Variants in RAB38 observed in about 807,000 individuals in gnomAD.
RAB38 encodes the protein RAB38, member RAS oncogene family.
In RAB38, 15 loss-of-function variants were observed where a neutral mutation model predicts 18.4. The ratio of observed to expected loss-of-function variants is 0.82; its 90% CI spans 0.55 to 1.26. RAB38 has a LOEUF of 1.26. RAB38 is among the 50% of genes most tolerant of loss of function. The pLI, the probability that RAB38 is intolerant of heterozygous loss-of-function variation, is 0.00. For missense variants in RAB38, 294 were observed against 267.4 expected (o/e 1.10, Z -0.69); for synonymous variants, 101 against 104.4 (o/e 0.97, Z 0.20).
chr11:87,937,351 T>TAA, the RAB38 span, among the ~76,000 whole-genome samples: 1 of 112,108 alleles, frequency 8.9e-6, no homozygotes, highest in African/African-American at 2.9e-5. Context: ...TATATATATA[T>TAA]CATAATTCTA....
chr11:87,898,678 A>G, the RAB38 span, among the ~76,000 whole-genome samples: 1 of 151,528 alleles, frequency 6.6e-6, no homozygotes, highest in Non-Finnish European at 1.5e-5. Flanking sequence ...CAGAATCTCA[A>G]TGCTTATTAA....
At chr11:88,006,818 G>A in the RAB38 span, among the ~76,000 whole-genome samples, 1 of 151,426 alleles carries the variant, frequency 6.6e-6, no homozygotes, top group Non-Finnish European at 1.5e-5. Context: ...CAGAAGTAGA[G>A]AGTAGAATAG....
chr11:88,019,712 T>C, the RAB38 span, among the ~76,000 whole-genome samples: 1 of 152,158 alleles, frequency 6.6e-6, no homozygotes, highest in Non-Finnish European at 1.5e-5. Context: ...TTCAGTCTCT[T>C]TATGTTACAG....
the RAB38 span, among the ~76,000 whole-genome samples, chr11:87,933,402 T>G: frequency 6.6e-6 from 1 of 152,100 alleles, no homozygotes; most frequent in Non-Finnish European, 1.5e-5. Flanking sequence ...AGAACATGTG[T>G]TCTGGTCCAG....
At chr11:88,017,671 A>G in the RAB38 span, among the ~76,000 whole-genome samples, 1 of 148,388 alleles carries the variant, frequency 6.7e-6, no homozygotes, top group Non-Finnish European at 1.5e-5. Context: ...CTGTCTCTAT[A>G]TGTTACCCAG....
At chr11:87,862,615 A>G in the RAB38 span, among the ~76,000 whole-genome samples, 1 of 151,816 alleles carries the variant, frequency 6.6e-6, no homozygotes, top group Non-Finnish European at 1.5e-5. Flanking sequence ...CCACAACACA[A>G]GTTTACCTAT....
intron 1 of RAB38, among the ~76,000 whole-genome samples, chr11:88,157,077 C>T (rs556881233): frequency 5.9e-5 from 9 of 152,260 alleles, no homozygotes; most frequent in Admixed American, 2.0e-4. Context: ...AAAACCCATC[C>T]GTATGCTATC....
At chr11:88,093,290 T>C in the RAB38 span, among the ~76,000 whole-genome samples, 1 of 151,876 alleles carries the variant, frequency 6.6e-6, no homozygotes, top group Non-Finnish European at 1.5e-5. Context: ...CATTATATTT[T>C]GATTTATGTG....
At chr11:87,924,275 C>A in the RAB38 span, among the ~76,000 whole-genome samples, 1 of 151,928 alleles carries the variant, frequency 6.6e-6, no homozygotes, top group African/African-American at 2.4e-5. Context: ...AAGGCTGTGC[C>A]CCTTTCCCAG....
At chr11:87,828,790 C>G in the RAB38 span, among the ~76,000 whole-genome samples, 2 of 152,188 alleles carry the variant, frequency 1.3e-5, no homozygotes, top group African/African-American at 4.8e-5. Flanking sequence ...TTCTGATTGC[C>G]AAACAATGTG....
At chr11:88,090,095 C>G in the RAB38 span, among the ~76,000 whole-genome samples, 1 of 151,876 alleles carries the variant, frequency 6.6e-6, no homozygotes, top group African/African-American at 2.4e-5. Flanking sequence ...TACCATGAAC[C>G]AGTAAAGGGT....
the RAB38 span, among the ~76,000 whole-genome samples, chr11:88,028,491 G>C: frequency 6.6e-6 from 1 of 152,144 alleles, no homozygotes; most frequent in Non-Finnish European, 1.5e-5. Flanking sequence ...AAAAAATTTA[G>C]AAGAATGTAT....
intron 2 of RAB38, among the ~76,000 whole-genome samples, chr11:88,143,931 T>C (rs1476781509): frequency 1.3e-5 from 2 of 152,194 alleles, no homozygotes; most frequent in African/African-American, 4.8e-5. Context: ...TAGCTAAAGA[T>C]AAAATATTGT....
the RAB38 span, among the ~76,000 whole-genome samples, chr11:87,832,195 C>T: frequency 1.3e-5 from 2 of 152,178 alleles, no homozygotes; most frequent in Non-Finnish European, 2.9e-5. Flanking sequence ...GTGAAATAAA[C>T]AGACACTGTC....
chr11:88,171,826 C>G (rs371204503), intron 1 of RAB38, among the ~76,000 whole-genome samples: 105 of 152,260 alleles, frequency 6.9e-4, no homozygotes, highest in African/African-American at 2.5e-3. Flanking sequence ...AAAGTGGAGT[C>G]TCAAGTGTGA....
chr11:88,069,229 C>A, the RAB38 span, among the ~76,000 whole-genome samples: 4 of 152,230 alleles, frequency 2.6e-5, no homozygotes, highest in African/African-American at 9.6e-5. Context: ...GGTCCCCCAG[C>A]ACTGCCAGCC....
chr11:88,143,783 T>C (rs1401534786), intron 2 of RAB38, among the ~76,000 whole-genome samples: 2 of 152,236 alleles, frequency 1.3e-5, no homozygotes, highest in African/African-American at 4.8e-5. Context: ...ACACCCTGCC[T>C]TCTACAAACT....
chr11:88,169,182 G>A (rs974412434), intron 1 of RAB38, among the ~76,000 whole-genome samples: 1 of 152,262 alleles, frequency 6.6e-6, no homozygotes, highest in Middle Eastern at 3.4e-3. Context: ...GAGAAAAGAT[G>A]GCAGAGGTTT....
At chr11:88,088,247 A>G in the RAB38 span, among the ~76,000 whole-genome samples, 1 of 151,992 alleles carries the variant, frequency 6.6e-6, no homozygotes, top group South Asian at 2.1e-4. Flanking sequence ...ATGTCCACCC[A>G]CAGCATCAAT....
Sources: allele counts gnomAD v4.1 joint callset (sites outside exome capture counted in the v4.1 genomes callset), GRCh38; gene constraint gnomAD v4.1.1; transcripts MANE v1.5; gene names NCBI Gene and HGNC (gene_info 2026-07-23, HGNC 2026-07-21).